Variants in SGCZ observed in about 807,000 individuals in gnomAD.
SGCZ encodes the protein zeta-sarcoglycan.
A neutral mutation model predicts 41.3 loss-of-function variants in SGCZ; 40 were observed. The observed-to-expected ratio is 0.97, with a 90% CI of 0.75 to 1.26. The LOEUF (loss-of-function observed/expected upper bound fraction) is 1.26. Ranked by LOEUF, SGCZ falls within the 50% of genes most tolerant of loss-of-function variation. SGCZ has a pLI of 0.00. For missense variants in SGCZ, 552 were observed against 369.8 expected (o/e 1.49, Z -4.04); for synonymous variants, 206 against 137.5 (o/e 1.50, Z -3.49).
chr8:14,988,263 T>TA (rs33980927), intron 1 of SGCZ, among the ~76,000 whole-genome samples: 60,527 of 151,616 alleles, frequency 0.4, 12,480 homozygotes, highest in South Asian at 0.5. Flanking sequence ...CTCCATCTTC[T>TA]AAAAAAACTC....
chr8:14,239,675 G>A (rs1333535150), intron 3 of SGCZ, among the ~76,000 whole-genome samples: 3 of 151,584 alleles, frequency 2.0e-5, no homozygotes, highest in African/African-American at 7.3e-5. Context: ...GGCCGAGGCG[G>A]GCGGATCACG....
intron 1 of SGCZ, among the ~76,000 whole-genome samples, chr8:14,635,024 G>A (rs985636514): frequency 1.3e-5 from 2 of 151,326 alleles, no homozygotes; most frequent in Non-Finnish European, 3.0e-5. Flanking sequence ...TTTTTTAGTA[G>A]TATGTATTAT....
intron 2 of SGCZ, among the ~76,000 whole-genome samples, chr8:14,361,666 G>C (rs566624376): frequency 7.2e-5 from 11 of 152,044 alleles, no homozygotes; most frequent in African/African-American, 2.7e-4. Flanking sequence ...ACCGACCTTC[G>C]GAAGCCTACT....
chr8:14,590,890 C>T (rs1050338512), intron 1 of SGCZ, among the ~76,000 whole-genome samples: 1 of 148,482 alleles, frequency 6.7e-6, no homozygotes, highest in African/African-American at 2.4e-5. Context: ...CTATATATGT[C>T]ATATATTATA....
At chr8:14,138,127 T>A (rs1298544777) in intron 5 of SGCZ, among the ~76,000 whole-genome samples, 1 of 152,084 alleles carries the variant, frequency 6.6e-6, no homozygotes, top group African/African-American at 2.4e-5. Context: ...GACAAGCAAA[T>A]GCTGACAGAT....
chr8:14,105,211 C>G (rs187934019), intron 6 of SGCZ, among the ~76,000 whole-genome samples: 3 of 152,036 alleles, frequency 2.0e-5, no homozygotes. Flanking sequence ...TTTTAAAATG[C>G]ACATGGAAAC....
At chr8:15,210,579 C>A (rs1006771782) in intron 1 of SGCZ, among the ~76,000 whole-genome samples, 5 of 152,106 alleles carry the variant, frequency 3.3e-5, no homozygotes, top group African/African-American at 1.2e-4. Context: ...ACTTTGTAAC[C>A]ACTCACTTTC....
chr8:14,804,496 G>A (rs1257862406), intron 1 of SGCZ, among the ~76,000 whole-genome samples: 2 of 123,054 alleles, frequency 1.6e-5, no homozygotes, highest in African/African-American at 5.9e-5. Context: ...AAGATGAAAT[G>A]AATGAAATGA....
intron 1 of SGCZ, among the ~76,000 whole-genome samples, chr8:14,842,525 G>A (rs1387117295): frequency 6.6e-6 from 1 of 151,274 alleles, no homozygotes; most frequent in African/African-American, 2.4e-5. Context: ...AGGAAGGAAA[G>A]AAAAGCAAAA....
chr8:14,541,631 C>T (rs566769841), intron 2 of SGCZ, among the ~76,000 whole-genome samples: 11 of 152,076 alleles, frequency 7.2e-5, no homozygotes, highest in Middle Eastern at 6.8e-3. Flanking sequence ...ATACATAATC[C>T]TTTGGGTATA....
Position 15,100,886 on chromosome 8 carries a change from G to C in SGCZ, c.39+136699C>G, listed in dbSNP as rs181994520. Among the ~76,000 whole-genome samples, 456 of 152,146 alleles carry C rather than the reference G, an allele frequency of 3.0e-3. 1 individual carries two copies. The highest frequency in any genetic ancestry group is 0.01 in the African/African-American group (428 of 41,514). ...CACCTATGGTCCCAACTACACAGGA[G>C]GATTGCTTGAGCCCAGGAGATTGAG... is the stretch of plus-strand genomic sequence containing the variant. On this transcript the variant is annotated intron_variant, in intron 1 of 7. Transcript: ENST00000382080.
chr8:14,552,876 A>C (rs1475162035), intron 2 of SGCZ, among the ~76,000 whole-genome samples: 1 of 152,096 alleles, frequency 6.6e-6, no homozygotes, highest in Non-Finnish European at 1.5e-5. Flanking sequence ...GGGTTTAGTC[A>C]TTGGAAGGAA....
At chr8:14,409,427 T>A (rs531326113) in intron 2 of SGCZ, among the ~76,000 whole-genome samples, 131 of 152,174 alleles carry the variant, frequency 8.6e-4, no homozygotes, top group African/African-American at 3.1e-3. Context: ...TATCCTCTAT[T>A]TTGGTCAGCT....
intron 1 of SGCZ, among the ~76,000 whole-genome samples, chr8:15,088,672 T>C (rs1563497081): frequency 6.6e-6 from 1 of 151,934 alleles, no homozygotes; most frequent in Non-Finnish European, 1.5e-5. Context: ...TGTCCCTTGC[T>C]GATAAGACAC....
chr8:14,379,722 A>C (rs1435045584), intron 2 of SGCZ, among the ~76,000 whole-genome samples: 1 of 151,990 alleles, frequency 6.6e-6, no homozygotes, highest in Non-Finnish European at 1.5e-5. Context: ...AATATATTGA[A>C]ATTATATATA....
chr8:15,007,156 A>C, intron 1 of SGCZ, among the ~76,000 whole-genome samples: 1 of 152,166 alleles, frequency 6.6e-6, no homozygotes, highest in East Asian at 1.9e-4. Context: ...ATATCCACAA[A>C]ACATAAAAGC....
chr8:14,572,704 C>T (rs1388489423), intron 1 of SGCZ, among the ~76,000 whole-genome samples: 1 of 152,106 alleles, frequency 6.6e-6, no homozygotes, highest in African/African-American at 2.4e-5. Context: ...TTCCTTCATA[C>T]ATCTGTACCA....
At chr8:14,269,011 C>CA (rs1799969342) in intron 3 of SGCZ, among the ~76,000 whole-genome samples, 1 of 151,282 alleles carries the variant, frequency 6.6e-6, no homozygotes, top group Non-Finnish European at 1.5e-5. Flanking sequence ...AAGAGTAAAA[C>CA]AAAAAAGAAT....
intron 5 of SGCZ, among the ~76,000 whole-genome samples, chr8:14,137,343 G>A (rs1354732654): frequency 6.6e-6 from 1 of 152,230 alleles, no homozygotes; most frequent in Non-Finnish European, 1.5e-5. Context: ...CAAGTTGACA[G>A]AAGTAGGCTT....
Sources: allele counts gnomAD v4.1 joint callset (sites outside exome capture counted in the v4.1 genomes callset), GRCh38; gene constraint gnomAD v4.1.1; transcripts MANE v1.5; gene names NCBI Gene and HGNC (gene_info 2026-07-23, HGNC 2026-07-21).